ERCC5: variants seen among roughly 807,000 people sequenced by gnomAD.
ERCC5 encodes the protein DNA excision repair protein ERCC-5.
In ERCC5, 68 loss-of-function variants were observed where a neutral mutation model predicts 105.6. That is an observed-to-expected ratio of 0.64 (90% confidence interval 0.53 to 0.79). The LOEUF (loss-of-function observed/expected upper bound fraction) is 0.79. Ranked by LOEUF, ERCC5 falls within the 30% of genes least tolerant of loss-of-function variation. The pLI, the probability that ERCC5 is intolerant of heterozygous loss-of-function variation, is 0.00. For synonymous variants in ERCC5, 546 were observed against 526.2 expected (o/e 1.04, Z -0.51); for missense variants, 1,373 against 1,426.7 (o/e 0.96, Z 0.61).
intron 5 of ERCC5, among the ~76,000 whole-genome samples, chr13:102,857,588 G>A (rs1322388351): frequency 1.3e-5 from 2 of 152,056 alleles, no homozygotes; most frequent in Admixed American, 6.5e-5. Flanking sequence ...ATGAGTTAAA[G>A]TTGAGAAAAG....
At chr13:102,848,444 G>A (rs1882065302) in intron 1 of ERCC5, among the ~76,000 whole-genome samples, 1 of 152,114 alleles carries the variant, frequency 6.6e-6, no homozygotes, top group South Asian at 2.1e-4. Flanking sequence ...GTCAAATAAT[G>A]CAGAAGTAAG....
chr13:102,850,544 T>G (rs1480488300), intron 1 of ERCC5, among the ~76,000 whole-genome samples: 1 of 152,098 alleles, frequency 6.6e-6, no homozygotes, highest in African/African-American at 2.4e-5. Context: ...AAAGATACGT[T>G]GGTGAAATCT....
intron 1 of ERCC5, among the ~76,000 whole-genome samples, chr13:102,850,044 C>A (rs1882145163): frequency 6.6e-6 from 1 of 151,632 alleles, no homozygotes; most frequent in African/African-American, 2.4e-5. Context: ...CAGGTTCAAT[C>A]GATTCTCCTG....
chr13:102,847,903 G>T (rs755232333), intron 1 of ERCC5, among the ~76,000 whole-genome samples: 1 of 152,214 alleles, frequency 6.6e-6, no homozygotes, highest in Non-Finnish European at 1.5e-5. Flanking sequence ...GCTTACGCCT[G>T]TCATCCCAGC....
intron 5 of ERCC5, 29 bp from the exon 6 acceptor site, chr13:102,858,246 T>C (rs1882495394): frequency 6.2e-7 from 1 of 1,613,914 alleles, no homozygotes; most frequent in South Asian, 1.1e-5. Flanking sequence ...AAATGTAAAT[T>C]TCATGGTGCT....
chr13:102,860,283 C>T (rs1882572193), intron 6 of ERCC5, among the ~76,000 whole-genome samples: 1 of 152,174 alleles, frequency 6.6e-6, no homozygotes, highest in Admixed American at 6.5e-5. Flanking sequence ...GCTGAGGTTG[C>T]TTAGATCTGC....
intron 5 of ERCC5, among the ~76,000 whole-genome samples, chr13:102,856,722 C>T (rs959900483): frequency 1.1e-4 from 16 of 152,188 alleles, no homozygotes; most frequent in Admixed American, 8.5e-4. Flanking sequence ...GAGTGATTAA[C>T]GAGGTTTCCT....
rs755580765 is a variant in ERCC5, at chr13:102,865,624, A to G, written c.1955-43A>G. ...TCTTGATGATTGCAGGATCATTTTA[A>G]TGTTTTGATTGTAGATGAAGTGACC... On this transcript the variant is annotated intron_variant, in intron 8 of 14. Transcript: ENST00000652225. The surrounding 1 kb of genome is among the most constrained non-coding windows in gnomAD (Gnocchi z 4.0). 1 of 1,608,740 alleles carries G rather than the reference A, an allele frequency of 6.2e-7. No homozygotes were observed. Among genetic ancestry groups the G allele is most frequent in the South Asian group, 1.1e-5 (1 of 90,012 alleles).
At position 102,853,874 on chromosome 13, in the gene ERCC5, C is replaced by T. The variant is rs1882297584; in HGVS notation, c.380+2C>T. On this transcript the variant is annotated splice_donor_variant, in intron 3 of 14. Coordinates refer to ENST00000652225, the MANE Select transcript of ERCC5 (RefSeq NM_000123.4). LOFTEE classifies it low-confidence loss of function (GC_TO_GT_DONOR). ...CAAAACTGCCTTCAGAAGCAAAAGG[C>T]AAGAGGAAAATTATAGTCGTGTTAG... The T allele has an allele frequency of 6.2e-7, 1 of 1,613,416 alleles. No homozygotes were observed. Among genetic ancestry groups the T allele is most frequent in the African/African-American group, 1.3e-5 (1 of 74,884 alleles).
At chr13:102,869,484 A>G (rs746322938) in intron 12 of ERCC5, among the ~76,000 whole-genome samples, 3 of 152,118 alleles carry the variant, frequency 2.0e-5, no homozygotes, top group Admixed American at 6.5e-5. Context: ...CATTGCATAT[A>G]TATGTATACT....
Position 102,865,937 on chromosome 13 carries a change from C to A in ERCC5, c.2199+26C>A, listed in dbSNP as rs1361159591. 1.2e-6 allele frequency: 2 copies of A among 1,613,804 alleles called. No homozygotes were observed. The highest frequency in any genetic ancestry group is 2.7e-5 in the African/African-American group (2 of 74,934). ...GTAATACCGTAACATTGTGTTTCGACTTCTTGCTGAGGAAGCCAGGTTAAG... is the reference window on the plus strand; with the variant it reads ...GTAATACCGTAACATTGTGTTTCGAATTCTTGCTGAGGAAGCCAGGTTAAG... On this transcript the variant is annotated intron_variant, in intron 9 of 14. Coordinates refer to ENST00000652225, the MANE Select transcript of ERCC5 (RefSeq NM_000123.4). The surrounding 1 kb of genome is among the most constrained non-coding windows in gnomAD (Gnocchi z 4.0).
At position 102,866,626 on chromosome 13, in the gene ERCC5, C is replaced by T. The variant is rs781699064; in HGVS notation, c.2320-6C>T. 6.2e-7 allele frequency: 1 copy of T among 1,612,834 alleles called. No homozygotes were observed. Among genetic ancestry groups the T allele is most frequent in the Non-Finnish European group, 8.5e-7 (1 of 1,179,880 alleles). ...TGGGCGTCACTGTGTACCCCTCACT[C>T]TGCAGGAACTCCTGCGCCTGTTCGG... is the stretch of plus-strand genomic sequence containing the variant. On this transcript the variant is annotated splice_region_variant and splice_polypyrimidine_tract_variant and intron_variant, in intron 10 of 14. Coordinates refer to ENST00000652225, the MANE Select transcript of ERCC5 (RefSeq NM_000123.4).
intron 3 of ERCC5, 133 bp from the exon 4 acceptor site, chr13:102,854,155 G>T: frequency 1.0e-6 from 1 of 973,884 alleles, no homozygotes; most frequent in Non-Finnish European, 1.6e-6. Flanking sequence ...GAGCAGCCCC[G>T]CCAAGGTTCC....
chr13:102,862,938 G>C lies in ERCC5; in HGVS notation c.1789G>C (p.Val597Leu), dbSNP rs4150319. 2.0e-3 allele frequency: 3,270 copies of C among 1,614,238 alleles called. 6 individuals carry two copies. Among genetic ancestry groups the C allele is most frequent in the Non-Finnish European group, 2.6e-3 (3,033 of 1,180,040 alleles). ...SSIVSVPSEA[V>L]DNVENVVSFN... ...CATAGTAAGTGTCCCTTCAGAGGCA[G>C]TAGATAATGTGGAAAATGTGGTGTC... The change falls in exon 8 of 15, where the codon GTA (valine) becomes CTA (leucine). Residue 597 changes from valine (V) to leucine (L), a missense_variant. Around this residue, in one of 3 missense-constraint regions of ERCC5, gnomAD observed 1,004 missense variants for 1,059.7 expected, o/e 0.95. Transcript: ENST00000652225.
Position 102,852,209 on chromosome 13 carries a change from T to C in ERCC5, c.180T>C (p.His60=). The C allele has an allele frequency of 2.5e-5, 41 of 1,614,178 alleles. No individual in the cohort carries two copies. The highest frequency in any genetic ancestry group is 3.5e-5 in the Non-Finnish European group (41 of 1,180,016). ...IENPHLLTLF[H]RLCKLLFFRI... is the part of the protein sequence containing the mutation. Reference sequence around the variant, plus strand: ...ATCCTCATCTTCTCACTTTGTTTCATCGGCTCTGCAAACTCTTATTTTTTC... The same window carrying C: ...ATCCTCATCTTCTCACTTTGTTTCACCGGCTCTGCAAACTCTTATTTTTTC... The change falls in exon 2 of 15, where the codon CAT becomes CAC. Residue 60 remains histidine, a synonymous_variant. Coordinates refer to ENST00000652225, the MANE Select transcript of ERCC5 (RefSeq NM_000123.4).
chr13:102,875,360 T>C lies in ERCC5; in HGVS notation c.3018T>C (p.Asp1006=), dbSNP rs1410817338. 1 of 1,613,964 alleles carries C rather than the reference T, an allele frequency of 6.2e-7. No homozygotes were observed. The highest frequency in any genetic ancestry group is 8.5e-7 in the Non-Finnish European group (1 of 1,180,000). ...FFRLAQQEKE[D]AKRIKSQRLN... ...GATTAGCACAACAGGAGAAAGAAGA[T>C]GCTAAACGTATTAAGAGCCAGAGAC... The change falls in exon 15 of 15, where the codon GAT becomes GAC. Residue 1006 remains aspartate, a synonymous_variant. Coordinates refer to ENST00000652225, the MANE Select transcript of ERCC5 (RefSeq NM_000123.4).
Position 102,862,056 on chromosome 13 carries a change from G to T in ERCC5, c.907G>T (p.Val303Leu). Residue 303 changes from valine (V) to leucine (L), a missense_variant, in exon 8 of 15, where the codon GTG (valine) becomes TTG (leucine). By Grantham distance (32) the Val-to-Leu change is conservative. Around this residue, in one of 3 missense-constraint regions of ERCC5, gnomAD observed 1,004 missense variants for 1,059.7 expected, o/e 0.95. Transcript: ENST00000652225. ...TATTCAAGCTAAGACAGTTGCAGAAGTGGATTCAGAGTCTCTTCCTTCTTC... is the reference window on the plus strand; with the variant it reads ...TATTCAAGCTAAGACAGTTGCAGAATTGGATTCAGAGTCTCTTCCTTCTTC... ...KGIQAKTVAEVDSESLPSSSK... is the reference protein window; with the variant it reads ...KGIQAKTVAELDSESLPSSSK... 1 of 1,614,236 alleles carries T rather than the reference G, an allele frequency of 6.2e-7. No homozygotes were observed.
chr13:102,868,150 G>A lies in ERCC5; in HGVS notation c.2571G>A (p.Leu857=), dbSNP rs1364862187. The change falls in exon 12 of 15, where the codon TTG becomes TTA. Residue 857 remains leucine (L), a synonymous_variant. Transcript: ENST00000652225. ...ATAAGTTAATAAATTTGGCTTATTT[G>A]CTTGGAAGTGATTATACCGAAGGAA... is the stretch of plus-strand genomic sequence containing the variant. ...DRNKLINLAY[L]LGSDYTEGIP... 4 of 1,613,964 alleles carry A rather than the reference G, an allele frequency of 2.5e-6. No individual in the cohort carries two copies. The highest frequency in any genetic ancestry group is 2.7e-5 in the African/African-American group (2 of 74,898).
At chr13:102,849,152 T>C (rs1437819708) in intron 1 of ERCC5, 1 of 518,922 alleles carries the variant, frequency 1.9e-6, no homozygotes, top group African/African-American at 1.9e-5. Context: ...ATCGATCTAA[T>C]ACAAGACAGA....
Sources: gnomAD v4.1 joint callset for allele counts (sites outside exome capture counted in the v4.1 genomes callset) on GRCh38, gnomAD v4.1.1 for gene constraint, gnomAD v4.1.1 regional missense constraint, Gnocchi (gnomAD v3.1) non-coding constraint, MANE v1.5 for transcripts, NCBI Gene and HGNC (gene_info 2026-07-23, HGNC 2026-07-21) for gene names.